The following CNIH3 variants were observed in gnomAD, a reference collection of about 807,000 sequenced individuals.
The protein encoded by CNIH3 is protein cornichon homolog 3.
CNIH3 carries 14 observed loss-of-function variants against 24.1 expected under a neutral mutation model. The ratio of observed to expected loss-of-function variants is 0.58; its 90% CI spans 0.38 to 0.91. The LOEUF (loss-of-function observed/expected upper bound fraction) is 0.91, where lower values mean the gene tolerates loss of function less well. Ranked by LOEUF, CNIH3 falls within the 40% of genes least tolerant of loss-of-function variation. The pLI is 0.00. For synonymous variants in CNIH3, 68 were observed against 73.8 expected (o/e 0.92, Z 0.40); for missense variants, 178 against 196.8 (o/e 0.90, Z 0.57).
chr1:224,696,772 T>TTG (rs66962239), intron 3 of CNIH3, among the ~76,000 whole-genome samples: 3,433 of 149,982 alleles, frequency 0.023, 121 homozygotes, highest in African/African-American at 0.075. Flanking sequence ...GGGGATAAAT[T>TTG]TGTGTGTGTG....
chr1:224,677,703 A>C (rs987038047), intron 1 of CNIH3, among the ~76,000 whole-genome samples: 2 of 152,176 alleles, frequency 1.3e-5, no homozygotes, highest in South Asian at 2.1e-4. Flanking sequence ...TGCTGCTTCA[A>C]GCTCCAGCTA....
At chr1:224,509,034 A>G (rs1489140506) in intron 1 of CNIH3, among the ~76,000 whole-genome samples, 1 of 152,198 alleles carries the variant, frequency 6.6e-6, no homozygotes, top group Admixed American at 6.5e-5. Flanking sequence ...GGTAAAAAAA[A>G]AGCCCTGGCT....
intron 3 of CNIH3, among the ~76,000 whole-genome samples, chr1:224,558,769 G>A (rs1317599164): frequency 6.6e-6 from 1 of 152,142 alleles, no homozygotes; most frequent in South Asian, 2.1e-4. Flanking sequence ...CAGTCACAGG[G>A]GAGAGATGTG....
intron 1 of CNIH3, among the ~76,000 whole-genome samples, chr1:224,657,144 C>T (rs1351844258): frequency 6.6e-6 from 1 of 152,102 alleles, no homozygotes; most frequent in Non-Finnish European, 1.5e-5. Context: ...GTATGGCTAC[C>T]TGCCCTGGGT....
chr1:224,689,891 C>G (rs1330613237), intron 3 of CNIH3, among the ~76,000 whole-genome samples: 2 of 152,168 alleles, frequency 1.3e-5, no homozygotes, highest in African/African-American at 4.8e-5. Context: ...TTGAGCAGCT[C>G]TCCCCACCAG....
chr1:224,611,498 C>T (rs1290596778), upstream of CNIH3: 4 of 152,112 alleles, frequency 2.6e-5, no homozygotes, highest in African/African-American at 9.7e-5. Flanking sequence ...TGTCAGTGGT[C>T]CCTGCTCTCT....
intron 1 of CNIH3, among the ~76,000 whole-genome samples, chr1:224,483,199 A>G (rs1676882026): frequency 6.6e-6 from 1 of 152,142 alleles, no homozygotes; most frequent in Non-Finnish European, 1.5e-5. Flanking sequence ...GGTACTGTGA[A>G]ATTAGTTGGG....
At chr1:224,678,477 G>GACCTGA (rs1487913139) in intron 1 of CNIH3, among the ~76,000 whole-genome samples, 1 of 152,158 alleles carries the variant, frequency 6.6e-6, no homozygotes, top group African/African-American at 2.4e-5. Context: ...CTTTAGAATG[G>GACCTGA]ACATTTACAA....
chr1:224,494,896 G>T (rs1408950040), intron 1 of CNIH3, among the ~76,000 whole-genome samples: 3 of 152,134 alleles, frequency 2.0e-5, no homozygotes, highest in Non-Finnish European at 4.4e-5. Context: ...GGGTTGTTTT[G>T]AAAGTGGCTT....
At chr1:224,652,730 A>G (rs147611155) in intron 1 of CNIH3, among the ~76,000 whole-genome samples, 1 of 152,326 alleles carries the variant, frequency 6.6e-6, no homozygotes, top group East Asian at 1.9e-4. Flanking sequence ...CCCAGGGCTC[A>G]TTTCTGGACT....
At chr1:224,708,299 G>GGA (rs1465035593) in intron 3 of CNIH3, among the ~76,000 whole-genome samples, 1 of 152,064 alleles carries the variant, frequency 6.6e-6, no homozygotes, top group Non-Finnish European at 1.5e-5. Flanking sequence ...GACTCACTCT[G>GGA]GAGCATATCC....
chr1:224,710,624 A>G (rs1688087400), intron 3 of CNIH3, among the ~76,000 whole-genome samples: 6 of 151,914 alleles, frequency 3.9e-5, no homozygotes, highest in Non-Finnish European at 8.8e-5. Context: ...TCAAACACCC[A>G]TTTTCTCAGC....
intron 3 of CNIH3, among the ~76,000 whole-genome samples, chr1:224,600,430 G>GACCT (rs1489431856): frequency 6.6e-6 from 1 of 152,158 alleles, no homozygotes; most frequent in Non-Finnish European, 1.5e-5. Context: ...AACCTCAGGT[G>GACCT]ACCTGCCTGC....
upstream of CNIH3, chr1:224,616,288 G>T: frequency 4.9e-6 from 1 of 202,404 alleles, no homozygotes; most frequent in Non-Finnish European, 9.4e-6. Context: ...CGAGAGGAGG[G>T]AATCCCGGGT....
chr1:224,548,559 G>A (rs745487617), intron 3 of CNIH3, among the ~76,000 whole-genome samples: 4 of 151,916 alleles, frequency 2.6e-5, no homozygotes, highest in Non-Finnish European at 4.4e-5. Context: ...TGTACATCCT[G>A]TGATATTATT....
chr1:224,521,782 C>A (rs140981429), intron 2 of CNIH3, among the ~76,000 whole-genome samples: 1 of 152,056 alleles, frequency 6.6e-6, no homozygotes, highest in African/African-American at 2.4e-5. Context: ...TGCTTGAGAC[C>A]GGTATGCAGC....
intron 1 of CNIH3, among the ~76,000 whole-genome samples, chr1:224,629,979 A>G (rs1683738475): frequency 6.6e-6 from 1 of 152,184 alleles, no homozygotes; most frequent in African/African-American, 2.4e-5. Flanking sequence ...GAAGTTATAA[A>G]TGGTCCTTAA....
At chr1:224,589,051 G>A (rs946528333), downstream of CNIH3, among the ~76,000 whole-genome samples, 2 of 147,726 alleles carry the variant, frequency 1.4e-5, no homozygotes, top group African/African-American at 5.0e-5. Flanking sequence ...GGATTGAGGA[G>A]TCTGAGCTCT....
At chr1:224,699,408 A>G (rs1687359142) in intron 3 of CNIH3, among the ~76,000 whole-genome samples, 1 of 152,232 alleles carries the variant, frequency 6.6e-6, no homozygotes, top group Admixed American at 6.5e-5. Context: ...CAGGGGTGCC[A>G]TAACACAGCA....
Sources: gnomAD v4.1 joint callset for allele counts (sites outside exome capture counted in the v4.1 genomes callset) on GRCh38, gnomAD v4.1.1 for gene constraint, MANE v1.5 for transcripts, NCBI Gene and HGNC (gene_info 2026-07-23, HGNC 2026-07-21) for gene names.